NBPF12: variants seen among roughly 807,000 people sequenced by gnomAD.
NBPF12 encodes the protein NBPF member 12.
NBPF12 carries 115 observed loss-of-function variants against 146.4 expected under a neutral mutation model. That is an observed-to-expected ratio of 0.79 (90% CI 0.68 to 0.92). NBPF12 has a LOEUF of 0.92. Among genes scored for constraint, NBPF12 ranks in the 40% least tolerant of loss-of-function variants. NBPF12 has a pLI of 0.00. For missense variants in NBPF12, 1,205 were observed against 1,326.8 expected, an observed-to-expected ratio of 0.91 and a Z score of 1.43; for synonymous variants, 385 against 508.9, an observed-to-expected ratio of 0.76 and a Z score of 3.28.
chr1:146,972,557 G>C (rs1553886703), intron 13 of NBPF12, among the ~76,000 whole-genome samples, 194 bp from the exon 17 acceptor site: 16,371 of 151,034 alleles, frequency 0.11, 1,043 homozygotes, highest in East Asian at 0.21. Context: ...TTATGTCCTG[G>C]TTTCAAGGTG....
rs1657625399 is a variant in NBPF12, at chr1:146,984,618, TGTG to T, written c.2667-194_2667-192del. ...GTGTGTGTGTGTGTGTGTGTGTGTGTGTGTGTCTTTCTCTTTCATCCTTTTCTA... is the reference window on the plus strand; with the variant it reads ...GTGTGTGTGTGTGTGTGTGTGTGTGTTGTCTTTCTCTTTCATCCTTTTCTA... On this transcript the variant is annotated intron_variant, in intron 21 of 33. Coordinates refer to ENST00000617844, the Ensembl canonical transcript of NBPF12. Among the ~76,000 whole-genome samples, 3 of 143,562 alleles carry T rather than the reference TGTG, an allele frequency of 2.1e-5. 1 individual carries two copies. The highest frequency in any genetic ancestry group is 5.5e-5 in the African/African-American group (2 of 36,266). The allele number at this position is 143,562 out of a possible 152,430, so 94.2% of individuals were successfully genotyped here.
At chr1:146,951,108 G>A (rs1314627087) in intron 1 of NBPF12, among the ~76,000 whole-genome samples, 1 of 152,050 alleles carries the variant, frequency 6.6e-6, no homozygotes, top group East Asian at 1.9e-4. Flanking sequence ...CTGGAGACAG[G>A]CTGATGACTT....
At chr1:146,965,532 C>T (rs1489850532) in intron 8 of NBPF12, among the ~76,000 whole-genome samples, 1 of 150,374 alleles carries the variant, frequency 6.7e-6, no homozygotes, top group Non-Finnish European at 1.5e-5. Context: ...CCTGTAATCC[C>T]AGCACTTTGG....
At chr1:146,987,403 CCTA>C in intron 25 of NBPF12, 118 bp downstream of exon 28, 1 of 708,604 alleles carries the variant, frequency 1.4e-6, no homozygotes, top group Non-Finnish European at 2.6e-6. Context: ...CTGAATTATT[CCTA>C]CTAACATTGC....
At chr1:146,957,964 T>A (rs1310491936) in intron 2 of NBPF12, among the ~76,000 whole-genome samples, 2 of 109,248 alleles carry the variant, frequency 1.8e-5, no homozygotes, top group East Asian at 6.8e-4. Flanking sequence ...TATATATACG[T>A]GTATACATGT....
At chr1:146,943,774 G>A (rs1654903000) in intron 2 of NBPF12, among the ~76,000 whole-genome samples, 1 of 151,824 alleles carries the variant, frequency 6.6e-6, no homozygotes, top group South Asian at 2.1e-4. Context: ...GGGTGAAAGT[G>A]ATTTTACTTC....
At chr1:146,986,063 G>A (rs1323221924) in intron 23 of NBPF12, among the ~76,000 whole-genome samples, 13 of 151,742 alleles carry the variant, frequency 8.6e-5, no homozygotes, top group African/African-American at 2.7e-4. Flanking sequence ...TGTGTGTCCC[G>A]AGGGCACTAA....
intron 14 of NBPF12, among the ~76,000 whole-genome samples, chr1:146,973,883 A>G (rs1487857355): frequency 2.7e-5 from 4 of 149,950 alleles, no homozygotes; most frequent in Admixed American, 1.3e-4. Flanking sequence ...TCTTGTTCCT[A>G]AAGAGGAAGA....
chr1:146,957,932 A>G (rs1268785551), intron 2 of NBPF12, among the ~76,000 whole-genome samples: 1 of 121,686 alleles, frequency 8.2e-6, no homozygotes, highest in Non-Finnish European at 1.8e-5. Flanking sequence ...TATAATATAT[A>G]TTCGTGTGTG....
chr1:146,956,430 G>T (rs1476430238), intron 2 of NBPF12, among the ~76,000 whole-genome samples: 1 of 151,858 alleles, frequency 6.6e-6, no homozygotes, highest in African/African-American at 2.4e-5. Context: ...CAGTAGTTCC[G>T]TTAGTGCATC....
At chr1:146,977,533 T>G in exon 18 of NBPF12, 2 of 1,612,896 alleles carry the variant, frequency 1.2e-6, no homozygotes, top group Non-Finnish European at 1.7e-6. Context: ...CATCACTTGT[T>G]CAAATAGCCA....
At chr1:146,942,866 A>C (rs1377596327) in intron 1 of NBPF12, among the ~76,000 whole-genome samples, 10 of 150,036 alleles carry the variant, frequency 6.7e-5, no homozygotes, top group African/African-American at 2.2e-4. Flanking sequence ...GTTCACTAAG[A>C]TCTACCTCAA....
rs1236671488 is a variant in NBPF12 at position 146,962,776 on chromosome 1, T to C, written c.279-319T>C. ...AAGATGCACTATGTGTATTTTCACA[T>C]GGAAATGTCCATGGCCAGAGTGAGG... On this transcript the variant is annotated intron_variant, in intron 5 of 33. Transcript: ENST00000617844. Among the ~76,000 whole-genome samples the C allele has an allele frequency of 9.7e-3, 1,449 of 149,566 alleles. 15 individuals carry two copies. Among genetic ancestry groups the C allele is most frequent in the Middle Eastern group, 0.038 (11 of 292 alleles).
intron 21 of NBPF12, 101 bp downstream of exon 24, chr1:146,984,286 C>G: frequency 1.2e-6 from 1 of 810,888 alleles, no homozygotes; most frequent in Non-Finnish European, 2.2e-6. Flanking sequence ...TTTGTCTTGT[C>G]AGACAAGTCT....
intron 7 of NBPF12, 48 bp downstream of exon 10, chr1:146,964,477 A>C (rs1656063327): frequency 6.3e-7 from 1 of 1,593,240 alleles, no homozygotes. Flanking sequence ...ACATATGAAA[A>C]TGTCTAGAAG....
In NBPF12 at chr1:146,962,084, G is replaced by T. The variant is rs1655885904; in HGVS notation, c.176-77G>T. On this transcript the variant is annotated intron_variant, in intron 4 of 33. Transcript: ENST00000617844. The stretch of plus-strand genomic sequence containing the variant: ...GAGTTTTGTCCTTGGGATGGACCTG[G>T]CTCCTGCCCTGTAGGCAGTGACCAC... 8.2e-6 allele frequency: 11 copies of T among 1,334,246 alleles called. No homozygotes were observed. The Middle Eastern group carries it at 7.7e-4, about 94-fold the overall frequency. The allele number at this position is 1,334,246 out of a possible 1,614,324, so 82.7% of individuals were successfully genotyped here.
intron 18 of NBPF12, among the ~76,000 whole-genome samples, chr1:146,978,240 G>A (rs1657170994): frequency 7.4e-6 from 1 of 135,906 alleles, no homozygotes; most frequent in Non-Finnish European, 1.6e-5. Context: ...CTGATCCAAT[G>A]TTTGTTTGTA....
At chr1:146,965,057 G>A (rs1296872454) in exon 8 of NBPF12, 29 of 1,607,576 alleles carry the variant, frequency 1.8e-5, no homozygotes, top group Admixed American at 1.2e-4. Flanking sequence ...GTTGTAGACA[G>A]AAAATCCTCT....
At chr1:146,980,051 C>A (rs1302695001) in intron 19 of NBPF12, among the ~76,000 whole-genome samples, 1 of 146,530 alleles carries the variant, frequency 6.8e-6, no homozygotes, top group Admixed American at 6.8e-5. Context: ...TTGAATTGAT[C>A]CCTTTACCAT....
Sources: gnomAD v4.1 joint callset for allele counts (sites outside exome capture counted in the v4.1 genomes callset) on GRCh38, gnomAD v4.1.1 for gene constraint, MANE v1.5 for transcripts, NCBI Gene and HGNC (gene_info 2026-07-23, HGNC 2026-07-21) for gene names.